The following NTRK3 variants were observed in gnomAD, a reference collection of about 807,000 sequenced individuals.
NTRK3 encodes the protein neurotrophic receptor tyrosine kinase 3.
A neutral mutation model predicts 91.7 loss-of-function variants in NTRK3; 24 were observed. The observed-to-expected ratio is 0.26, with a 90% CI of 0.19 to 0.37. NTRK3 has a LOEUF of 0.37. Ranked by LOEUF, NTRK3 falls within the 10% of genes least tolerant of loss-of-function variation. The pLI is 1.00. For missense variants in NTRK3, 880 were observed against 1,068.9 expected (o/e 0.82, Z 2.46); for synonymous variants, 483 against 404.0 (o/e 1.20, Z -2.34).
intron 13 of NTRK3, among the ~76,000 whole-genome samples, chr15:88,082,334 C>T (rs913258794): frequency 2.0e-5 from 3 of 151,068 alleles, no homozygotes; most frequent in East Asian, 3.9e-4. Context: ...ACTTCAGCAG[C>T]GGGGAAGAAG....
chr15:88,030,791 T>G (rs1291679086), intron 14 of NTRK3, among the ~76,000 whole-genome samples: 1 of 152,034 alleles, frequency 6.6e-6, no homozygotes, highest in Non-Finnish European at 1.5e-5. Flanking sequence ...TTTATTTTAA[T>G]TGGAAAAAAA....
In NTRK3 at chr15:88,035,790, A is replaced by G. The variant is rs144907356; in HGVS notation, c.1397-2745T>C. ...GACTTTCTAAACAAAAAAAACTACT[A>G]ATATCCTCAGAGATGTCAGTGAAAA... On this transcript the variant is annotated intron_variant, in intron 13 of 18. Coordinates refer to ENST00000394480, the Ensembl canonical transcript of NTRK3. Among the ~76,000 whole-genome samples the G allele has an allele frequency of 2.6e-5, 4 of 152,288 alleles. No individual in the cohort carries two copies. The East Asian group carries it at 5.8e-4, about 22-fold the overall frequency.
At chr15:88,201,362 G>A (rs1370136986) in intron 3 of NTRK3, among the ~76,000 whole-genome samples, 1 of 152,138 alleles carries the variant, frequency 6.6e-6, no homozygotes, top group African/African-American at 2.4e-5. Flanking sequence ...TACCACCCAC[G>A]GGTCTCATGG....
Position 88,255,929 on chromosome 15 carries a change from G to A in NTRK3, c.225C>T (p.Asp75=), listed in dbSNP as rs946909878. The change falls in exon 3 of 19, where the codon GAC becomes GAT. Residue 75 remains aspartate (D), a synonymous_variant. Transcript: ENST00000394480. The surrounding 1 kb of genome is among the most constrained non-coding windows in gnomAD (Gnocchi z 4.3). Reference sequence around the variant, plus strand: ...ACATGGAAGTGATATTCCTTGAGATGTCCGTGATGTTGATACTGGCGTTCC... The same window carrying A: ...ACATGGAAGTGATATTCCTTGAGATATCCGTGATGTTGATACTGGCGTTCC... 8 of 1,613,104 alleles carry A rather than the reference G, an allele frequency of 5.0e-6. No individual in the cohort carries two copies. Among genetic ancestry groups the A allele is most frequent in the Non-Finnish European group, 5.9e-6 (7 of 1,179,472 alleles).
At chr15:87,868,011 GATA>G (rs1474975212) in exon 19 of NTRK3, 1 of 230,082 alleles carries the variant, frequency 4.3e-6, no homozygotes, top group Admixed American at 5.7e-5. Context: ...GGTATGTGTC[GATA>G]ATAAGAGGAA....
chr15:88,237,699 G>T lies in NTRK3; in HGVS notation c.248+18207C>A, dbSNP rs1264655673. Among the ~76,000 whole-genome samples, 1 of 152,028 alleles carries T rather than the reference G, an allele frequency of 6.6e-6. No individual in the cohort carries two copies. The highest frequency in any genetic ancestry group is 1.5e-5 in the Non-Finnish European group (1 of 68,000). ...TAAGACCGTGCAACTTCTTCCACAG[G>T]GCTCTCTTGCTTACATGACCGACTA... On this transcript the variant is annotated intron_variant, in intron 3 of 18. Transcript: ENST00000394480. The surrounding 1 kb of genome is among the most constrained non-coding windows in gnomAD (Gnocchi z 4.0).
At chr15:88,094,475 CAAAAAAAAAAAAAAA>C (rs10610101) in intron 13 of NTRK3, among the ~76,000 whole-genome samples, 7 of 30,326 alleles carry the variant, frequency 2.3e-4, no homozygotes, top group African/African-American at 5.5e-4. Context: ...GACTCCGTCT[CAAAAAAAAAAAAAAA>C]AAAAAAAAAA....
chr15:88,171,413 C>T (rs1297369087), intron 5 of NTRK3, among the ~76,000 whole-genome samples: 1 of 152,138 alleles, frequency 6.6e-6, no homozygotes, highest in East Asian at 1.9e-4. Flanking sequence ...GATCCCCACC[C>T]CGGCTCTGTA....
chr15:88,034,857 C>G lies in NTRK3; in HGVS notation c.1397-1812G>C, dbSNP rs185118432. On this transcript the variant is annotated intron_variant, in intron 13 of 18. Transcript: ENST00000394480. ...CCAAATACTCACAATAATCACTTGC[C>G]TTGCAAAAAAGAAGCCAGTTCCTGA... Among the ~76,000 whole-genome samples the G allele has an allele frequency of 2.5e-4, 38 of 152,160 alleles. 1 individual carries two copies. The highest frequency in any genetic ancestry group is 9.2e-4 in the African/African-American group (38 of 41,530).
chr15:88,141,663 G>C (rs1490351813), intron 6 of NTRK3, among the ~76,000 whole-genome samples: 1 of 152,244 alleles, frequency 6.6e-6, no homozygotes, highest in African/African-American at 2.4e-5. Context: ...ATTGCCGCAA[G>C]CCACACAGCA....
At chr15:88,127,292 C>A in intron 11 of NTRK3, 66 bp from the exon 12 acceptor site, 1 of 1,332,770 alleles carries the variant, frequency 7.5e-7, no homozygotes, top group African/African-American at 1.4e-5. Flanking sequence ...CAGCCACAGT[C>A]CCTGCCCAAC....
At chr15:87,988,340 T>A (rs2075011679) in intron 14 of NTRK3, among the ~76,000 whole-genome samples, 1 of 152,122 alleles carries the variant, frequency 6.6e-6, no homozygotes, top group African/African-American at 2.4e-5. Flanking sequence ...GATAACTAAA[T>A]GTAAAGTGGT....
At chr15:88,091,627 C>G (rs2049023883) in intron 13 of NTRK3, among the ~76,000 whole-genome samples, 1 of 152,014 alleles carries the variant, frequency 6.6e-6, no homozygotes, top group Admixed American at 6.6e-5. Context: ...GTAGGGAGAT[C>G]ACTCACATCA....
intron 14 of NTRK3, among the ~76,000 whole-genome samples, chr15:88,027,274 CTAGT>C (rs1193010976): frequency 2.0e-5 from 3 of 152,156 alleles, no homozygotes; most frequent in Admixed American, 6.5e-5. Flanking sequence ...CCTCAGAGAG[CTAGT>C]TAAAGATCGC....
At position 88,237,004 on chromosome 15, in the gene NTRK3, T is replaced by A. The variant is rs937234493; in HGVS notation, c.248+18902A>T. 2.6e-5 allele frequency among the ~76,000 whole-genome samples: 4 copies of A among 152,184 alleles called. No individual in the cohort carries two copies. The highest frequency in any genetic ancestry group is 6.5e-5 in the Admixed American group (1 of 15,284). ...GCACACTTAAGAGTAACGCATTTCA[T>A]TAAATATAAATATTAGCTCAAAAAG... On this transcript the variant is annotated intron_variant, in intron 3 of 18. Transcript: ENST00000394480. This position sits in a 1 kb window ranked among gnomAD's most constrained non-coding sequence, Gnocchi z 4.0.
chr15:87,993,134 TGG>T (rs1302426350), intron 14 of NTRK3, among the ~76,000 whole-genome samples: 14 of 152,356 alleles, frequency 9.2e-5, no homozygotes, highest in African/African-American at 3.4e-4. Context: ...ATATGGCTCC[TGG>T]AACCAACATC....
intron 13 of NTRK3, among the ~76,000 whole-genome samples, chr15:88,049,566 G>A (rs1451625082): frequency 6.6e-6 from 1 of 152,142 alleles, no homozygotes; most frequent in African/African-American, 2.4e-5. Flanking sequence ...ATATGTAAAA[G>A]GTCAGTATGT....
intron 3 of NTRK3, among the ~76,000 whole-genome samples, chr15:88,253,631 C>G (rs2053668968): frequency 1.3e-5 from 2 of 152,188 alleles, no homozygotes. Flanking sequence ...GACCTCTGAC[C>G]CTCCCCCACC....
At chr15:88,071,368 G>T (rs1467630968) in intron 13 of NTRK3, among the ~76,000 whole-genome samples, 1 of 152,244 alleles carries the variant, frequency 6.6e-6, no homozygotes, top group African/African-American at 2.4e-5. Context: ...CTGCTGCCGA[G>T]ATTTCAACCT....
Sources: allele counts gnomAD v4.1 joint callset (sites outside exome capture counted in the v4.1 genomes callset), GRCh38; gene constraint gnomAD v4.1.1; non-coding constraint Gnocchi (gnomAD v3.1); transcripts MANE v1.5; gene names NCBI Gene and HGNC (gene_info 2026-07-23, HGNC 2026-07-21).